Variants in CSNK2A2 observed in about 807,000 individuals in gnomAD.
The protein encoded by CSNK2A2 is casein kinase 2 alpha 2.
Under a neutral mutation model 54.0 loss-of-function variants are expected in CSNK2A2, and 8 were observed. The ratio of observed to expected loss-of-function variants is 0.15; its 90% CI spans 0.09 to 0.27. CSNK2A2 has a LOEUF of 0.27. Ranked by LOEUF, CSNK2A2 falls within the 10% of genes least tolerant of loss-of-function variation. CSNK2A2 has a pLI of 1.00. For synonymous variants in CSNK2A2, 141 were observed against 153.9 expected, an observed-to-expected ratio of 0.92 and a Z score of 0.62; for missense variants, 242 against 439.4, an observed-to-expected ratio of 0.55 and a Z score of 4.02.
chr16:58,180,782 G>GT (rs1177206070), intron 4 of CSNK2A2, among the ~76,000 whole-genome samples: 1 of 152,034 alleles, frequency 6.6e-6, no homozygotes, highest in Non-Finnish European at 1.5e-5. Context: ...ATTCACCCTG[G>GT]TATTAACGAG....
At chr16:58,190,564 T>C (rs568178346) in intron 2 of CSNK2A2, among the ~76,000 whole-genome samples, 1 of 152,308 alleles carries the variant, frequency 6.6e-6, no homozygotes, top group Non-Finnish European at 1.5e-5. Flanking sequence ...ACAGAAAACT[T>C]TTCCTCTAAT....
At chr16:58,184,616 G>C (rs1962144262) in intron 3 of CSNK2A2, among the ~76,000 whole-genome samples, 1 of 152,142 alleles carries the variant, frequency 6.6e-6, no homozygotes, top group Non-Finnish European at 1.5e-5. Flanking sequence ...ATTTACTTTT[G>C]AAAATGGTTG....
At chr16:58,165,829 T>A in intron 9 of CSNK2A2, 121 bp from the exon 10 acceptor site, 2 of 1,060,968 alleles carry the variant, frequency 1.9e-6, no homozygotes, top group Non-Finnish European at 2.7e-6. Context: ...GTTAAATCTC[T>A]AACTGGTGCC....
chr16:58,189,657 C>T (rs762639507), intron 2 of CSNK2A2, among the ~76,000 whole-genome samples: 3 of 152,138 alleles, frequency 2.0e-5, no homozygotes, highest in Non-Finnish European at 4.4e-5. Context: ...CTTAAACTTC[C>T]CAAACTAGAG....
intron 3 of CSNK2A2, among the ~76,000 whole-genome samples, chr16:58,186,417 G>A (rs988617474): frequency 1.3e-5 from 2 of 152,318 alleles, no homozygotes; most frequent in Middle Eastern, 3.4e-3. Context: ...CTTAAGTGAG[G>A]TAGAGTAACA....
intron 8 of CSNK2A2, 26 bp downstream of exon 8, chr16:58,167,181 A>T (rs1284028594): frequency 6.4e-7 from 1 of 1,570,086 alleles, no homozygotes; most frequent in African/African-American, 1.4e-5. Flanking sequence ...CCCCAAATAA[A>T]TAAGAACCAG....
chr16:58,164,935 G>C (rs567054538), intron 10 of CSNK2A2, among the ~76,000 whole-genome samples: 2 of 152,214 alleles, frequency 1.3e-5, no homozygotes, highest in Non-Finnish European at 2.9e-5. Flanking sequence ...AGCGACTGAG[G>C]TAAGTCTCTC....
At chr16:58,196,942 CTTGGAA>C in intron 1 of CSNK2A2, 98 bp from the exon 2 acceptor site, 1 of 799,050 alleles carries the variant, frequency 1.3e-6, no homozygotes. Flanking sequence ...CAGGCAAACA[CTTGGAA>C]GTGTCTATAC....
intron 2 of CSNK2A2, among the ~76,000 whole-genome samples, chr16:58,190,650 T>A (rs1962302735): frequency 6.6e-6 from 1 of 152,174 alleles, no homozygotes; most frequent in South Asian, 2.1e-4. Flanking sequence ...TTAAAAAAAA[T>A]TATTTAAAAA....
chr16:58,181,387 T>C (rs926651007), intron 4 of CSNK2A2, among the ~76,000 whole-genome samples: 2 of 152,066 alleles, frequency 1.3e-5, no homozygotes, highest in African/African-American at 4.8e-5. Flanking sequence ...TTAGGTGAAG[T>C]CTGCACAACA....
intron 11 of CSNK2A2, among the ~76,000 whole-genome samples, chr16:58,158,554 G>C (rs533422911): frequency 1.1e-4 from 17 of 152,322 alleles, no homozygotes; most frequent in African/African-American, 3.8e-4. Flanking sequence ...TCATGACAGA[G>C]ATGGTCTCTA....
rs150003385 is a variant in CSNK2A2, at chr16:58,167,277, A to C, written c.656T>G (p.Leu219Trp). 10 of 1,613,652 alleles carry C rather than the reference A, an allele frequency of 6.2e-6. No individual in the cohort carries two copies. The African/African-American group carries it at 1.3e-4, about 22-fold the overall frequency. ...GATCATGCTTGCTAACATACAGCCCAAACTCCACATGTCCAAGCTATAATC... is the reference window on the plus strand; with the variant it reads ...GATCATGCTTGCTAACATACAGCCCCAACTCCACATGTCCAAGCTATAATC... ...MYDYSLDMWSLGCMLASMIFR... is the reference protein window; with the variant it reads ...MYDYSLDMWSWGCMLASMIFR... The change falls in exon 8 of 12, where the codon TTG becomes TGG. Residue 219 changes from leucine (L) to tryptophan (W), a missense_variant. Coordinates refer to ENST00000262506, the MANE Select transcript of CSNK2A2 (RefSeq NM_001896.4).
chr16:58,178,988 A>G (rs1462323773), intron 4 of CSNK2A2, among the ~76,000 whole-genome samples: 1 of 152,228 alleles, frequency 6.6e-6, no homozygotes, highest in Non-Finnish European at 1.5e-5. Context: ...ACAGCTATAA[A>G]GAACATTACT....
At chr16:58,185,061 A>G (rs1962154461) in intron 3 of CSNK2A2, among the ~76,000 whole-genome samples, 1 of 152,230 alleles carries the variant, frequency 6.6e-6, no homozygotes, top group South Asian at 2.1e-4. Context: ...TAGATTTTCA[A>G]ATAACAGGAT....
chr16:58,192,904 T>C (rs1356291155), intron 2 of CSNK2A2: 4 of 152,312 alleles, frequency 2.6e-5, no homozygotes, highest in Non-Finnish European at 5.9e-5. Context: ...GCCTGGGTTC[T>C]AATGGTTTCT....
chr16:58,169,215 T>C (rs1961662590), intron 5 of CSNK2A2, among the ~76,000 whole-genome samples: 2 of 151,462 alleles, frequency 1.3e-5, no homozygotes. Flanking sequence ...TGTGAGCCAC[T>C]GTGCCCAGCC....
At chr16:58,184,010 G>C (rs1351816181) in intron 4 of CSNK2A2, among the ~76,000 whole-genome samples, 3 of 152,110 alleles carry the variant, frequency 2.0e-5, no homozygotes, top group Non-Finnish European at 4.4e-5. Context: ...TACAGATGAG[G>C]CATTAGCTTA....
intron 4 of CSNK2A2, among the ~76,000 whole-genome samples, chr16:58,182,388 A>AAC (rs1962068568): frequency 6.9e-6 from 1 of 144,076 alleles, no homozygotes; most frequent in African/African-American, 2.6e-5. Context: ...AAAAAAAAAA[A>AAC]AAAAAAAAAA....
intron 5 of CSNK2A2, 54 bp from the exon 6 acceptor site, chr16:58,168,747 A>C: frequency 1.5e-6 from 2 of 1,326,304 alleles, no homozygotes; most frequent in Non-Finnish European, 2.2e-6. Context: ...CCATCCCCCA[A>C]CGCAAGCATA....
Sources: gnomAD v4.1 joint callset for allele counts (sites outside exome capture counted in the v4.1 genomes callset) on GRCh38, gnomAD v4.1.1 for gene constraint, MANE v1.5 for transcripts, NCBI Gene and HGNC (gene_info 2026-07-23, HGNC 2026-07-21) for gene names.